CAST: variants seen among roughly 807,000 people sequenced by gnomAD.
CAST encodes calpastatin.
In CAST, 76 loss-of-function variants were observed where a neutral mutation model predicts 119.6. That is an observed-to-expected ratio of 0.64 (90% CI 0.53 to 0.77). The LOEUF is 0.77. Among genes scored for constraint, CAST ranks in the 30% least tolerant of loss-of-function variants. CAST has a pLI of 0.00. For missense variants in CAST, 953 were observed against 946.5 expected, an observed-to-expected ratio of 1.01 and a Z score of -0.09; for synonymous variants, 319 against 331.6, an observed-to-expected ratio of 0.96 and a Z score of 0.41.
chr5:96,723,846 C>T (rs1223303565), intron 4 of CAST, among the ~76,000 whole-genome samples: 3 of 152,192 alleles, frequency 2.0e-5, no homozygotes, highest in Non-Finnish European at 2.9e-5. Context: ...TACCAACCTA[C>T]TTTTGTTTTC....
intron 1 of CAST, among the ~76,000 whole-genome samples, chr5:96,593,011 C>A (rs375091970): frequency 6.6e-6 from 1 of 152,152 alleles, no homozygotes; most frequent in African/African-American, 2.4e-5. Context: ...GTGATCCGCC[C>A]GCCTCGGCCT....
chr5:96,656,657 C>T (rs955913321), intron 1 of CAST, among the ~76,000 whole-genome samples: 4 of 152,108 alleles, frequency 2.6e-5, no homozygotes, highest in Non-Finnish European at 5.9e-5. Context: ...GAAAGAAAAC[C>T]TGCCCGTTTG....
At chr5:96,344,885 A>C in the CAST span, among the ~76,000 whole-genome samples, 1 of 152,256 alleles carries the variant, frequency 6.6e-6, no homozygotes, top group South Asian at 2.1e-4. Context: ...GAGCTGAAAA[A>C]CCACATGGTT....
At chr5:96,237,788 G>A in the CAST span, among the ~76,000 whole-genome samples, 4 of 151,138 alleles carry the variant, frequency 2.6e-5, no homozygotes, top group Admixed American at 2.0e-4. Context: ...TTCTACTTAC[G>A]CATTCCTAAT....
chr5:96,751,712 C>T (rs1765095223), intron 20 of CAST, among the ~76,000 whole-genome samples: 1 of 152,130 alleles, frequency 6.6e-6, no homozygotes, highest in Admixed American at 6.5e-5. Context: ...CAACAATAGC[C>T]AGCATTCCCC....
chr5:96,052,084 A>G, the CAST span, among the ~76,000 whole-genome samples: 1 of 152,198 alleles, frequency 6.6e-6, no homozygotes, highest in African/African-American at 2.4e-5. Flanking sequence ...TGCTGATATC[A>G]TTGTTTGAGT....
At chr5:96,185,611 T>C in the CAST span, among the ~76,000 whole-genome samples, 35 of 152,228 alleles carry the variant, frequency 2.3e-4, no homozygotes, top group Admixed American at 6.5e-4. Context: ...AGGGAGTCCT[T>C]TCTCCATTGC....
chr5:96,743,629 G>A (rs376068216), intron 16 of CAST: 77 of 1,612,104 alleles, frequency 4.8e-5, no homozygotes, highest in Middle Eastern at 1.6e-4. Context: ...GGCCTAAGAT[G>A]GGCCAGTTTC....
chr5:96,479,701 G>C, the CAST span, among the ~76,000 whole-genome samples: 1 of 151,960 alleles, frequency 6.6e-6, no homozygotes, highest in Non-Finnish European at 1.5e-5. Context: ...GCCCTCCTTG[G>C]CCTCCCAAAG....
At chr5:96,088,253 G>A in the CAST span, among the ~76,000 whole-genome samples, 179 of 152,254 alleles carry the variant, frequency 1.2e-3, 2 homozygotes, top group Non-Finnish European at 4.0e-4. Context: ...ACTGCAACTG[G>A]GACCTCATCA....
the CAST span, among the ~76,000 whole-genome samples, chr5:96,052,971 G>A: frequency 6.6e-6 from 1 of 152,122 alleles, no homozygotes; most frequent in Non-Finnish European, 1.5e-5. Flanking sequence ...CCTCTGAAGT[G>A]GTATGGCGAC....
At chr5:96,244,353 T>C in the CAST span, among the ~76,000 whole-genome samples, 6 of 152,270 alleles carry the variant, frequency 3.9e-5, no homozygotes, top group African/African-American at 1.2e-4. Context: ...CTTTGAATTA[T>C]GATTTCTTAT....
At chr5:96,618,826 C>T (rs2150198407) in intron 1 of CAST, among the ~76,000 whole-genome samples, 1 of 152,364 alleles carries the variant, frequency 6.6e-6, no homozygotes, top group East Asian at 1.9e-4. Flanking sequence ...ACCTGAGCCT[C>T]CCCGACAGGC....
chr5:96,510,299 C>T, the CAST span, among the ~76,000 whole-genome samples: 1 of 152,154 alleles, frequency 6.6e-6, no homozygotes, highest in African/African-American at 2.4e-5. Context: ...AAAAATATTT[C>T]CTGAATAAGA....
At chr5:96,156,991 A>G in the CAST span, among the ~76,000 whole-genome samples, 31 of 152,364 alleles carry the variant, frequency 2.0e-4, no homozygotes, top group African/African-American at 7.2e-4. Flanking sequence ...AAAACTTTAT[A>G]TAGTTCATTT....
chr5:96,130,673 T>C, the CAST span, among the ~76,000 whole-genome samples: 13 of 151,952 alleles, frequency 8.6e-5, no homozygotes, highest in Admixed American at 3.3e-4. Context: ...TTCTAAAATA[T>C]AAAATATTAC....
chr5:96,067,898 A>C, the CAST span, among the ~76,000 whole-genome samples: 1 of 152,048 alleles, frequency 6.6e-6, no homozygotes, highest in Non-Finnish European at 1.5e-5. Context: ...TTGCTTACAC[A>C]GTTCCTGTAT....
the CAST span, among the ~76,000 whole-genome samples, chr5:96,454,315 T>C: frequency 1.3e-5 from 2 of 152,232 alleles, no homozygotes; most frequent in African/African-American, 4.8e-5. Flanking sequence ...GTCCAAGGTC[T>C]GAAATTAATG....
the CAST span, among the ~76,000 whole-genome samples, chr5:96,448,189 T>C: frequency 6.6e-6 from 1 of 152,180 alleles, no homozygotes; most frequent in Admixed American, 6.5e-5. Flanking sequence ...GAAAGCGTAT[T>C]AACATGTCTG....
Sources: allele counts gnomAD v4.1 joint callset (sites outside exome capture counted in the v4.1 genomes callset), GRCh38; gene constraint gnomAD v4.1.1; transcripts MANE v1.5; gene names NCBI Gene and HGNC (gene_info 2026-07-23, HGNC 2026-07-21).